The following FLT1 variants were observed in gnomAD, a reference collection of about 807,000 sequenced individuals.
FLT1 encodes the protein vascular endothelial growth factor receptor 1.
A neutral mutation model predicts 156.3 loss-of-function variants in FLT1; 49 were observed. The observed-to-expected ratio is 0.31, with a 90% CI of 0.25 to 0.40. The LOEUF is 0.40. Ranked by LOEUF, FLT1 falls within the 10% of genes least tolerant of loss-of-function variation. FLT1 has a pLI of 1.00. For synonymous variants in FLT1, 594 were observed against 583.8 expected (o/e 1.02, Z -0.25); for missense variants, 1,322 against 1,637.2 (o/e 0.81, Z 3.32).
At chr13:28,490,434 C>T (rs1881408176) in intron 1 of FLT1, among the ~76,000 whole-genome samples, 1 of 152,226 alleles carries the variant, frequency 6.6e-6, no homozygotes, top group Non-Finnish European at 1.5e-5. Context: ...AATGAACCCC[C>T]CTGCAGCCCC....
At chr13:28,408,235 C>A (rs1468067459) in intron 10 of FLT1, among the ~76,000 whole-genome samples, 1 of 152,148 alleles carries the variant, frequency 6.6e-6, no homozygotes, top group Non-Finnish European at 1.5e-5. Context: ...GGGTGTTTCT[C>A]AAGGGAAATA....
chr13:28,488,272 TG>T (rs1267635076), intron 1 of FLT1, among the ~76,000 whole-genome samples: 2 of 152,152 alleles, frequency 1.3e-5, no homozygotes, highest in African/African-American at 4.8e-5. Flanking sequence ...TGGTGGTACA[TG>T]CCTGTAATCC....
chr13:28,343,934 G>A (rs866802076), intron 16 of FLT1, among the ~76,000 whole-genome samples: 15 of 151,822 alleles, frequency 9.9e-5, no homozygotes, highest in Middle Eastern at 3.4e-3. Flanking sequence ...GAGCCACCGC[G>A]CCCGGCAGCC....
intron 13 of FLT1, chr13:28,386,588 A>G (rs1874377639): frequency 2.8e-6 from 3 of 1,055,562 alleles, no homozygotes; most frequent in Non-Finnish European, 3.4e-6. Context: ...CTTGCCCACT[A>G]AGCAGAACGT....
rs766543893 is a variant in FLT1 at position 28,430,037 on chromosome 13, A to C, written c.1106+13T>G. 6.7e-7 allele frequency: 1 copy of C among 1,501,732 alleles called. No homozygotes were observed. Among genetic ancestry groups the C allele is most frequent in the Admixed American group, 1.7e-5 (1 of 59,866 alleles). 93.0% of individuals were successfully genotyped at this position (1,501,732 alleles called of 1,614,324 possible). Reference sequence around the variant, plus strand: ...TATGTCTTAAACTGTTATGGAAATAAGGATGGTCCTACCATACAACTTCCG... The same window carrying C: ...TATGTCTTAAACTGTTATGGAAATACGGATGGTCCTACCATACAACTTCCG... On this transcript the variant is annotated intron_variant, in intron 8 of 29. Transcript: ENST00000282397.
At chr13:28,357,410 C>T (rs1000314116) in intron 15 of FLT1, 144 bp downstream of exon 15, 5 of 850,392 alleles carry the variant, frequency 5.9e-6, no homozygotes, top group African/African-American at 3.3e-5. Flanking sequence ...AGTCCCTTCC[C>T]GGAGTGGCAG....
At chr13:28,494,701 C>A in intron 1 of FLT1, 79 bp downstream of exon 1, 1 of 1,161,678 alleles carries the variant, frequency 8.6e-7, no homozygotes, top group Non-Finnish European at 1.2e-6. Context: ...GCGTGCACCC[C>A]GCCCTGGCCT....
intron 17 of FLT1, among the ~76,000 whole-genome samples, chr13:28,338,718 T>C (rs1872214004): frequency 6.6e-6 from 1 of 152,228 alleles, no homozygotes; most frequent in Non-Finnish European, 1.5e-5. Context: ...GAATGTTTGA[T>C]TTCACTGTTC....
chr13:28,464,129 C>T (rs1318196222), intron 3 of FLT1, among the ~76,000 whole-genome samples: 1 of 152,288 alleles, frequency 6.6e-6, no homozygotes, highest in Middle Eastern at 3.4e-3. Context: ...ATTATCATAA[C>T]AATTTTTCCA....
At chr13:28,482,719 C>T (rs1201767947) in intron 1 of FLT1, among the ~76,000 whole-genome samples, 2 of 152,156 alleles carry the variant, frequency 1.3e-5, no homozygotes, top group Admixed American at 1.3e-4. Context: ...TAGGATTTTA[C>T]TCCCTCTAAG....
intron 11 of FLT1, chr13:28,399,114 G>GGAAGCTGGAAGACAGGAGAGATC: frequency 6.5e-7 from 1 of 1,549,186 alleles, no homozygotes. Context: ...GTTAGCTGGT[G>GGAAGCTGGAAGACAGGAGAGATC]GAAGCTGGAA....
At position 28,322,751 on chromosome 13, in the gene FLT1, A is replaced by C. The variant is rs767746661; in HGVS notation, c.2953+39T>G. ...CAGAGATGCATAGTATGTTGTAAAA[A>C]TATCTCAGCGCGTAGGACAGGAAGG... On this transcript the variant is annotated intron_variant, in intron 21 of 29. Coordinates refer to ENST00000282397, the MANE Select transcript of FLT1 (RefSeq NM_002019.4). The surrounding 1 kb of genome is among the most constrained non-coding windows in gnomAD (Gnocchi z 4.3). 3.1e-6 allele frequency: 5 copies of C among 1,602,616 alleles called. No individual in the cohort carries two copies. In the South Asian group the frequency reaches 3.3e-5, roughly 11 times the overall value.
At chr13:28,327,626 G>A in intron 19 of FLT1, 76 bp from the exon 20 acceptor site, 3 of 1,033,860 alleles carry the variant, frequency 2.9e-6, no homozygotes, top group Non-Finnish European at 4.6e-6. Flanking sequence ...CAGCCTGCCT[G>A]AGAAACCTCA....
intron 13 of FLT1, chr13:28,388,351 A>T: frequency 9.5e-7 from 1 of 1,058,170 alleles, no homozygotes; most frequent in Non-Finnish European, 1.1e-6. Flanking sequence ...AAAGGAGGAA[A>T]CAGTCTGGTG....
At chr13:28,335,827 A>G (rs913710710) in intron 17 of FLT1, among the ~76,000 whole-genome samples, 3 of 152,186 alleles carry the variant, frequency 2.0e-5, no homozygotes, top group African/African-American at 2.4e-5. Context: ...GAAGAAATAG[A>G]CCAGGATGGG....
At position 28,467,430 on chromosome 13, in the gene FLT1, C is replaced by A. The variant is rs2137623490; in HGVS notation, c.161+91G>T. The A allele has an allele frequency of 8.1e-6, 7 of 864,438 alleles. No individual in the cohort carries two copies. The South Asian group carries it at 9.9e-5, about 12-fold the overall frequency. The allele number at this position is 864,438 out of a possible 1,614,324, so 53.5% of individuals were successfully genotyped here. A position where few individuals can be genotyped will look rare whatever the true frequency, so the allele number is the denominator to read the frequency against. The stretch of plus-strand genomic sequence containing the variant: ...TTGCACTTTGCAGATCACAGGAGAT[C>A]ACTGAGGTCCCTACCTTTTTACTCT... On this transcript the variant is annotated intron_variant, in intron 2 of 29. Coordinates refer to ENST00000282397, the MANE Select transcript of FLT1 (RefSeq NM_002019.4).
intron 17 of FLT1, among the ~76,000 whole-genome samples, chr13:28,336,109 G>A (rs1872106934): frequency 6.6e-6 from 1 of 152,178 alleles, no homozygotes; most frequent in South Asian, 2.1e-4. Flanking sequence ...CATGTTTGGG[G>A]CAGGTGGCAT....
Position 28,405,894 on chromosome 13 carries a change from C to T in FLT1, c.1437G>A (p.Arg479=), listed in dbSNP as rs1309375561. ...CTTCATTATTGGAACAAAAGTCACA[C>T]CTATTAAAAAAAAAAGTTGTCACAA... ...HPCNHNHSEA[R]CDFCSNNEES... The change falls in exon 11 of 30, where the codon AGG becomes AGA. Residue 479 remains arginine, a splice_region_variant and synonymous_variant. Coordinates refer to ENST00000282397, the MANE Select transcript of FLT1 (RefSeq NM_002019.4). 6.4e-7 allele frequency: 1 copy of T among 1,553,516 alleles called. No individual in the cohort carries two copies. The highest frequency in any genetic ancestry group is 1.1e-5 in the South Asian group (1 of 89,788).
chr13:28,475,139 C>T (rs1206445101), intron 1 of FLT1, among the ~76,000 whole-genome samples: 2 of 152,194 alleles, frequency 1.3e-5, no homozygotes, highest in Admixed American at 6.5e-5. Context: ...TCCCCCGTTA[C>T]AATCTTTTCA....
Sources: gnomAD v4.1 joint callset for allele counts (sites outside exome capture counted in the v4.1 genomes callset) on GRCh38, gnomAD v4.1.1 for gene constraint, Gnocchi (gnomAD v3.1) non-coding constraint, MANE v1.5 for transcripts, NCBI Gene and HGNC (gene_info 2026-07-23, HGNC 2026-07-21) for gene names.